The following KHDRBS3 variants were observed in gnomAD, a reference collection of about 807,000 sequenced individuals.
The protein encoded by KHDRBS3 is KH RNA binding domain containing, signal transduction associated 3.
In KHDRBS3, 23 loss-of-function variants were observed where a neutral mutation model predicts 45.6. The observed-to-expected ratio is 0.50, with a 90% CI of 0.36 to 0.72. KHDRBS3 has a LOEUF of 0.72. Ranked by LOEUF, KHDRBS3 falls within the 30% of genes least tolerant of loss-of-function variation. The pLI is 0.00. For missense variants in KHDRBS3, 352 were observed against 424.8 expected (o/e 0.83, Z 1.51); for synonymous variants, 162 against 156.5 (o/e 1.04, Z -0.26).
intron 1 of KHDRBS3, among the ~76,000 whole-genome samples, chr8:135,490,039 G>A (rs1244791459): frequency 6.6e-6 from 1 of 152,132 alleles, no homozygotes; most frequent in Non-Finnish European, 1.5e-5. Context: ...GTTGTCTAGA[G>A]CATTCGGTAC....
chr8:135,629,427 A>T (rs1355852744), intron 7 of KHDRBS3, among the ~76,000 whole-genome samples: 2 of 152,234 alleles, frequency 1.3e-5, no homozygotes, highest in Non-Finnish European at 2.9e-5. Flanking sequence ...TTATTCATTC[A>T]TTCATTCCTT....
chr8:135,644,679 T>C (rs1036347787), intron 7 of KHDRBS3, among the ~76,000 whole-genome samples: 1 of 152,216 alleles, frequency 6.6e-6, no homozygotes, highest in African/African-American at 2.4e-5. Context: ...GGCCCAGCCC[T>C]AGCTCTTGGC....
At chr8:135,538,240 A>G (rs1395409583) in intron 2 of KHDRBS3, among the ~76,000 whole-genome samples, 1 of 152,200 alleles carries the variant, frequency 6.6e-6, no homozygotes, top group Non-Finnish European at 1.5e-5. Context: ...CAGATTGAAG[A>G]TGGGTCAAAG....
chr8:135,474,854 C>CTGGGCTCATGTTACGGTG (rs1563704324), intron 1 of KHDRBS3, among the ~76,000 whole-genome samples: 1 of 152,168 alleles, frequency 6.6e-6, no homozygotes, highest in East Asian at 1.9e-4. Flanking sequence ...GTGGCTCCCA[C>CTGGGCTCATGTTACGGTG]TGGGCTCATG....
downstream of KHDRBS3, among the ~76,000 whole-genome samples, chr8:135,652,240 A>G (rs750712939): frequency 5.9e-5 from 9 of 152,150 alleles, no homozygotes; most frequent in Non-Finnish European, 1.2e-4. Context: ...TTCAATCTGA[A>G]TTTCACCCTC....
At chr8:135,643,489 A>T (rs949988724) in intron 7 of KHDRBS3, among the ~76,000 whole-genome samples, 1 of 152,220 alleles carries the variant, frequency 6.6e-6, no homozygotes. Flanking sequence ...TAAGGGCTTG[A>T]GTTGGAAATA....
At chr8:135,495,749 GGT>G (rs1823405393) in intron 1 of KHDRBS3, among the ~76,000 whole-genome samples, 1 of 152,088 alleles carries the variant, frequency 6.6e-6, no homozygotes, top group Non-Finnish European at 1.5e-5. Flanking sequence ...TTTAGTGCCA[GGT>G]CTATGGGCCA....
At chr8:135,656,265 A>G (rs1299720581) in exon 5 of KHDRBS3, 2 of 152,154 alleles carry the variant, frequency 1.3e-5, no homozygotes, top group Non-Finnish European at 2.9e-5. Context: ...AGAACCGTCA[A>G]CTCACCAACG....
intron 4 of KHDRBS3, among the ~76,000 whole-genome samples, chr8:135,550,537 T>C (rs1381903644): frequency 2.0e-5 from 3 of 152,202 alleles, no homozygotes; most frequent in African/African-American, 7.2e-5. Context: ...TAAACATAAA[T>C]GTAAAGGTTT....
At chr8:135,497,084 C>T (rs1823488494) in intron 1 of KHDRBS3, among the ~76,000 whole-genome samples, 1 of 152,186 alleles carries the variant, frequency 6.6e-6, no homozygotes, top group Non-Finnish European at 1.5e-5. Context: ...AATTAGACAC[C>T]TCTGTCCTTG....
chr8:135,611,341 G>A (rs1829697253), intron 7 of KHDRBS3, among the ~76,000 whole-genome samples: 1 of 151,924 alleles, frequency 6.6e-6, no homozygotes, highest in Non-Finnish European at 1.5e-5. Context: ...TTACACAAAG[G>A]AGACAAACTT....
intron 1 of KHDRBS3, among the ~76,000 whole-genome samples, chr8:135,518,456 G>A (rs1824737709): frequency 6.6e-6 from 1 of 152,140 alleles, no homozygotes; most frequent in Non-Finnish European, 1.5e-5. Context: ...TTACAGGTGT[G>A]AGCCACCACG....
chr8:135,588,102 G>A (rs1381312003), intron 6 of KHDRBS3, among the ~76,000 whole-genome samples: 1 of 152,162 alleles, frequency 6.6e-6, no homozygotes, highest in African/African-American at 2.4e-5. Flanking sequence ...TAAAGGCTTA[G>A]TCCCACTTGA....
At chr8:135,548,332 G>A (rs370731512) in intron 3 of KHDRBS3, among the ~76,000 whole-genome samples, 1 of 152,184 alleles carries the variant, frequency 6.6e-6, no homozygotes, top group Non-Finnish European at 1.5e-5. Context: ...TAAGTGCCTT[G>A]TACCAGCATC....
In KHDRBS3 at chr8:135,646,978, T is replaced by C. The variant is rs1422955574; in HGVS notation, c.950-15T>C. 3 of 1,426,094 alleles carry C rather than the reference T, an allele frequency of 2.1e-6. No homozygotes were observed. The highest frequency in any genetic ancestry group is 1.7e-5 in the Admixed American group (1 of 59,754). The allele number at this position is 1,426,094 out of a possible 1,614,324, so 88.3% of individuals were successfully genotyped here. A position where few individuals can be genotyped will look rare whatever the true frequency, so the allele number is the denominator to read the frequency against. On this transcript the variant is annotated splice_polypyrimidine_tract_variant and intron_variant, in intron 8 of 8. Coordinates refer to ENST00000355849, the MANE Select transcript of KHDRBS3 (RefSeq NM_006558.3). ...ATGGCAGTGATCTAATTGTGATTCA[T>C]CTTACTGATTGTAGGGCAAGAAGAG...
chr8:135,535,231 C>T (rs141193049), intron 2 of KHDRBS3, among the ~76,000 whole-genome samples: 1,509 of 144,640 alleles, frequency 0.01, 28 homozygotes, highest in African/African-American at 0.034. Flanking sequence ...CTATAATAAA[C>T]TATTATATAT....
intron 7 of KHDRBS3, among the ~76,000 whole-genome samples, chr8:135,622,021 C>G (rs1299592805): frequency 2.6e-5 from 4 of 152,116 alleles, no homozygotes; most frequent in Admixed American, 6.5e-5. Flanking sequence ...ACCTCCACTC[C>G]ACTCCTGAGC....
intron 6 of KHDRBS3, among the ~76,000 whole-genome samples, chr8:135,606,578 A>G (rs1192630104): frequency 6.6e-6 from 1 of 152,028 alleles, no homozygotes; most frequent in Non-Finnish European, 1.5e-5. Flanking sequence ...GTTGGTTTTC[A>G]AGGTTCCTTC....
At chr8:135,650,948 G>A (rs1463445922), downstream of KHDRBS3, among the ~76,000 whole-genome samples, 2 of 152,176 alleles carry the variant, frequency 1.3e-5, no homozygotes, top group East Asian at 1.9e-4. Flanking sequence ...GTTGCAGATG[G>A]TAGGAAGACA....
Sources: allele counts gnomAD v4.1 joint callset (sites outside exome capture counted in the v4.1 genomes callset), GRCh38; gene constraint gnomAD v4.1.1; transcripts MANE v1.5; gene names NCBI Gene and HGNC (gene_info 2026-07-23, HGNC 2026-07-21).